Variants in SAMD8 observed in about 807,000 individuals in gnomAD.
SAMD8 encodes sterile alpha motif domain containing 8, also known as sphingomyelin synthase-related protein 1.
SAMD8 carries 20 observed loss-of-function variants against 42.0 expected under a neutral mutation model. The ratio of observed to expected loss-of-function variants is 0.48; its 90% CI spans 0.34 to 0.69. SAMD8 has a LOEUF of 0.69. SAMD8 is among the 30% of genes least tolerant of loss of function. SAMD8 has a pLI of 0.01. For synonymous variants in SAMD8, 162 were observed against 173.0 expected (o/e 0.94, Z 0.50); for missense variants, 328 against 511.6 (o/e 0.64, Z 3.46).
chr10:75,178,317 C>T lies in SAMD8; in HGVS notation c.*1625C>T, dbSNP rs1841024667. On this transcript the variant is annotated 3_prime_UTR_variant, in exon 6 of 6. Transcript: ENST00000542569. ...ACTTTTATGCTTTTAAATCTCACAA[C>T]TCAGAATCTGATATCTTAAATCACT... 1 of 152,200 alleles carries T rather than the reference C, an allele frequency of 6.6e-6. No individual in the cohort carries two copies. 9.4% of individuals were successfully genotyped at this position (152,200 alleles called of 1,614,324 possible). A position where few individuals can be genotyped will look rare whatever the true frequency, so the allele number is the denominator to read the frequency against.
Position 75,150,707 on chromosome 10 carries a change from A to C in SAMD8, c.179A>C (p.Lys60Thr). Residue 60 changes from lysine to threonine, a missense_variant, in exon 2 of 6, where the codon AAA becomes ACA. Physicochemically the swap from Lys to Thr is moderately conservative, Grantham distance 78. Around this residue, in one of 2 missense-constraint regions of SAMD8, gnomAD observed 150 missense variants for 186.0 expected, o/e 0.81. Transcript: ENST00000542569. ...CTCCGGTCTCCTCCTCTGGAAATCAAAGTCTTAGGGGACATTAAAAGGTTA... is the reference window on the plus strand; with the variant it reads ...CTCCGGTCTCCTCCTCTGGAAATCACAGTCTTAGGGGACATTAAAAGGTTA... ...YDLRSPPLEI[K>T]VLGDIKRLML... is the part of the protein sequence containing the mutation. 2 of 1,614,206 alleles carry C rather than the reference A, an allele frequency of 1.2e-6. No homozygotes were observed. The highest frequency in any genetic ancestry group is 1.7e-6 in the Non-Finnish European group (2 of 1,180,030).
chr10:75,159,057 C>CTT (rs1456499416), intron 2 of SAMD8, among the ~76,000 whole-genome samples: 2 of 118,064 alleles, frequency 1.7e-5, no homozygotes, highest in African/African-American at 7.8e-5. Context: ...ATTTTTTTTT[C>CTT]TTTTTCTTTT....
chr10:75,114,747 G>A (rs147542557), intron 1 of SAMD8, among the ~76,000 whole-genome samples: 25 of 152,236 alleles, frequency 1.6e-4, no homozygotes, highest in African/African-American at 5.5e-4. Context: ...TAGCATGCCC[G>A]TTAATTTATG....
intron 1 of SAMD8, among the ~76,000 whole-genome samples, chr10:75,135,807 C>A (rs1177354524): frequency 1.3e-5 from 2 of 149,756 alleles, no homozygotes; most frequent in Non-Finnish European, 3.0e-5. Context: ...GCCTGGGCGA[C>A]AGGACAAGAC....
chr10:75,101,991 G>A (rs749838917), intron 1 of SAMD8: 5 of 1,357,338 alleles, frequency 3.7e-6, no homozygotes, highest in Non-Finnish European at 4.9e-6. Context: ...TAATTATAAA[G>A]CATGCTGTCT....
chr10:75,155,806 C>A (rs1840398808), intron 2 of SAMD8, among the ~76,000 whole-genome samples: 1 of 152,154 alleles, frequency 6.6e-6, no homozygotes, highest in South Asian at 2.1e-4. Flanking sequence ...CAGTGGCATA[C>A]TATTTAATCA....
At chr10:75,116,227 T>C (rs930625638) in intron 1 of SAMD8, among the ~76,000 whole-genome samples, 7 of 151,950 alleles carry the variant, frequency 4.6e-5, no homozygotes, top group African/African-American at 9.7e-5. Flanking sequence ...GCTTTCTGAG[T>C]AGCTGGGACT....
intron 1 of SAMD8, chr10:75,104,140 G>A (rs978801305): frequency 1.0e-5 from 13 of 1,287,586 alleles, no homozygotes; most frequent in Non-Finnish European, 1.0e-5. Context: ...GGTGAACCAA[G>A]GCCCAGGCTG....
chr10:75,120,396 C>T (rs530673546), intron 1 of SAMD8, among the ~76,000 whole-genome samples: 53 of 151,782 alleles, frequency 3.5e-4, no homozygotes, highest in East Asian at 2.4e-3. Flanking sequence ...CTCAGCCTCC[C>T]GTAGCTGGGA....
At chr10:75,111,876 T>C in intron 1 of SAMD8, 154 bp downstream of exon 1, 4 of 943,300 alleles carry the variant, frequency 4.2e-6, no homozygotes, top group Middle Eastern at 7.5e-4. Context: ...TAGTCAGCTC[T>C]GGAATGGAAT....
intron 1 of SAMD8, among the ~76,000 whole-genome samples, chr10:75,123,759 C>G (rs1442162469): frequency 6.6e-6 from 1 of 151,590 alleles, no homozygotes; most frequent in Non-Finnish European, 1.5e-5. Context: ...GGCATGATCT[C>G]GGCTCACTGC....
chr10:75,166,963 C>T (rs1487421618), intron 3 of SAMD8, among the ~76,000 whole-genome samples: 1 of 152,182 alleles, frequency 6.6e-6, no homozygotes, highest in Non-Finnish European at 1.5e-5. Flanking sequence ...CAGGAGTGCA[C>T]ACTAATGCTT....
chr10:75,171,407 T>A (rs1373056235), intron 4 of SAMD8, among the ~76,000 whole-genome samples: 1 of 151,908 alleles, frequency 6.6e-6, no homozygotes, highest in East Asian at 1.9e-4. Context: ...GACCTCATGA[T>A]CCGCCCGCCT....
intron 1 of SAMD8, among the ~76,000 whole-genome samples, chr10:75,122,349 C>T (rs146080092): frequency 4.1e-4 from 63 of 152,222 alleles, no homozygotes; most frequent in African/African-American, 1.4e-3. Flanking sequence ...CAGTGGCTCA[C>T]GCCTGTAATC....
At chr10:75,151,217 C>A in intron 2 of SAMD8, 111 bp downstream of exon 2, 1 of 538,190 alleles carries the variant, frequency 1.9e-6, no homozygotes. Flanking sequence ...TGTATACTTT[C>A]CATTTGCTTT....
In SAMD8 at chr10:75,176,323, G is replaced by C. The variant is rs898555759; in HGVS notation, c.944-65G>C. 10 of 1,597,580 alleles carry C rather than the reference G, an allele frequency of 6.3e-6. No homozygotes were observed. The highest frequency in any genetic ancestry group is 3.4e-5 in the Admixed American group (2 of 58,174). ...AGAATGGCAAAACAGCCTGACCTGAGAAACGTGACTGAGAAGCATTGGAAG... is the reference window on the plus strand; with the variant it reads ...AGAATGGCAAAACAGCCTGACCTGACAAACGTGACTGAGAAGCATTGGAAG... On this transcript the variant is annotated intron_variant, in intron 5 of 5. Transcript: ENST00000542569. The surrounding 1 kb of genome is among the most constrained non-coding windows in gnomAD (Gnocchi z 4.3).
chr10:75,167,950 GCTTA>G (rs1840730194), intron 3 of SAMD8, among the ~76,000 whole-genome samples: 1 of 152,082 alleles, frequency 6.6e-6, no homozygotes, highest in Non-Finnish European at 1.5e-5. Flanking sequence ...CTAACACCAG[GCTTA>G]CTTGTCTTCT....
At chr10:75,111,343 C>T (rs1324402488), upstream of SAMD8, 3 of 437,216 alleles carry the variant, frequency 6.9e-6, no homozygotes, top group Non-Finnish European at 1.1e-5. Context: ...CTTTGGCCTC[C>T]GGCATGACGC....
Position 75,178,587 on chromosome 10 carries a change from A to T in SAMD8, c.*1895A>T, listed in dbSNP as rs1322256919. On this transcript the variant is annotated 3_prime_UTR_variant, in exon 6 of 6. Transcript: ENST00000542569. The stretch of plus-strand genomic sequence containing the variant: ...ACATTAATGCTAAAATGTTAAGCCG[A>T]GTGCAGTGGTGCAAGGCTATAGTCC... 2 of 152,226 alleles carry T rather than the reference A, an allele frequency of 1.3e-5. No homozygotes were observed. The highest frequency in any genetic ancestry group is 4.8e-5 in the African/African-American group (2 of 41,474). The allele number at this position is 152,226 out of a possible 1,614,324, so 9.4% of individuals were successfully genotyped here.
Sources: allele counts gnomAD v4.1 joint callset (sites outside exome capture counted in the v4.1 genomes callset), GRCh38; gene constraint gnomAD v4.1.1; regional missense constraint gnomAD v4.1.1; non-coding constraint Gnocchi (gnomAD v3.1); transcripts MANE v1.5; gene names NCBI Gene and HGNC (gene_info 2026-07-23, HGNC 2026-07-21).